The following ZNF562 variants were observed in gnomAD, a reference collection of about 807,000 sequenced individuals.
ZNF562 encodes zinc finger protein 562.
A neutral mutation model predicts 17.5 loss-of-function variants in ZNF562; 13 were observed. The ratio of observed to expected loss-of-function variants is 0.74; its 90% CI spans 0.48 to 1.18. ZNF562 has a LOEUF of 1.18. ZNF562 is among the 50% of genes most tolerant of loss of function. ZNF562 has a pLI of 0.00. For synonymous variants in ZNF562, 163 were observed against 165.4 expected (o/e 0.99, Z 0.11); for missense variants, 481 against 498.5 (o/e 0.96, Z 0.33).
At position 9,645,013 on chromosome 19, in the gene ZNF562, G is replaced by A. The variant is rs1008076807; in HGVS notation, c.*7936C>T. 6.6e-6 allele frequency: 1 copy of A among 152,018 alleles called. No individual in the cohort carries two copies. The highest frequency in any genetic ancestry group is 2.4e-5 in the African/African-American group (1 of 41,362). The allele number at this position is 152,018 out of a possible 1,614,324, so 9.4% of individuals were successfully genotyped here. A position where few individuals can be genotyped will look rare whatever the true frequency, so the allele number is the denominator to read the frequency against. ...CTTGATTTTCTCATTGCAGCTCATAGTGGGAGATGCCCAGTCTCTCTGTGA... is the reference window on the plus strand; with the variant it reads ...CTTGATTTTCTCATTGCAGCTCATAATGGGAGATGCCCAGTCTCTCTGTGA... On this transcript the variant is annotated 3_prime_UTR_variant, in exon 6 of 6. Coordinates refer to ENST00000453372, the MANE Select transcript of ZNF562 (RefSeq NM_001130031.2).
intron 1 of ZNF562, among the ~76,000 whole-genome samples, chr19:9,667,519 C>A (rs1369983037): frequency 6.6e-6 from 1 of 152,072 alleles, no homozygotes; most frequent in African/African-American, 2.4e-5. Context: ...CTGGCCAGAG[C>A]AATTAGGCAA....
At chr19:9,671,755 A>G (rs2044207738) in intron 1 of ZNF562, among the ~76,000 whole-genome samples, 2 of 152,212 alleles carry the variant, frequency 1.3e-5, no homozygotes, top group Non-Finnish European at 2.9e-5. Flanking sequence ...CCAACAGAAG[A>G]TGTAGAGTAC....
At position 9,652,086 on chromosome 19, in the gene ZNF562, T is replaced by C. The variant is rs2074875104; in HGVS notation, c.*863A>G. 3 of 152,278 alleles carry C rather than the reference T, an allele frequency of 2.0e-5. No homozygotes were observed. Among genetic ancestry groups the C allele is most frequent in the South Asian group, 2.1e-4 (1 of 4,820 alleles). The allele number at this position is 152,278 out of a possible 1,614,324, so 9.4% of individuals were successfully genotyped here. Reference sequence around the variant, plus strand: ...CCTCAAAGTGTGGCTGAACAATCATTTGATAAAGAGATCATGAGTGGGATT... The same window carrying C: ...CCTCAAAGTGTGGCTGAACAATCATCTGATAAAGAGATCATGAGTGGGATT... On this transcript the variant is annotated 3_prime_UTR_variant, in exon 6 of 6. Transcript: ENST00000453372.
rs1373221630 is a variant in ZNF562, at chr19:9,651,086, G to A, written c.*1863C>T. On this transcript the variant is annotated 3_prime_UTR_variant, in exon 6 of 6. Transcript: ENST00000453372. ...TCTGAGCTGACTAAGGCAGATATTG[G>A]TACTGAGAAGTGAGGTACTGCAATT... 1.3e-5 allele frequency: 2 copies of A among 151,724 alleles called. No homozygotes were observed. Among genetic ancestry groups the A allele is most frequent in the Non-Finnish European group, 2.9e-5 (2 of 67,980 alleles). The allele number at this position is 151,724 out of a possible 1,614,324, so 9.4% of individuals were successfully genotyped here.
rs60749210 is a variant in ZNF562, at chr19:9,669,716, G to A, written c.-131+5299C>T. Among the ~76,000 whole-genome samples the A allele has an allele frequency of 3.3e-3, 278 of 83,974 alleles. 1 individual carries two copies. Among genetic ancestry groups the A allele is most frequent in the Admixed American group, 4.7e-3 (31 of 6,576 alleles). 55.1% of individuals were successfully genotyped at this position (83,974 alleles called of 152,430 possible). On this transcript the variant is annotated intron_variant, in intron 1 of 5. Transcript: ENST00000453372. ...AAGACCTGTCTGCATGCACGCGCGC[G>A]AGCGCGCGCGCGCGCGCGCACACAC... is the stretch of plus-strand genomic sequence containing the variant.
intron 1 of ZNF562, among the ~76,000 whole-genome samples, chr19:9,667,960 TC>T (rs1316211417): frequency 2.0e-5 from 3 of 152,156 alleles, no homozygotes; most frequent in Admixed American, 1.3e-4. Flanking sequence ...ATAAATGAAT[TC>T]AGTAAATGTT....
At chr19:9,654,810 G>C (rs1458877679) in intron 5 of ZNF562, among the ~76,000 whole-genome samples, 3 of 152,034 alleles carry the variant, frequency 2.0e-5, no homozygotes, top group Non-Finnish European at 2.9e-5. Flanking sequence ...AACTCTACAA[G>C]AAACCCCCGT....
intron 1 of ZNF562, among the ~76,000 whole-genome samples, chr19:9,672,447 A>G (rs1216243103): frequency 6.6e-6 from 1 of 152,180 alleles, no homozygotes; most frequent in African/African-American, 2.4e-5. Context: ...ACATGAGGAG[A>G]AAGAAATAAA....
rs764719964 is a variant in ZNF562, at chr19:9,653,501, AGTT to A, written c.726_728del (p.Thr243del). 6.8e-6 allele frequency: 11 copies of A among 1,614,060 alleles called. No homozygotes were observed. The highest frequency in any genetic ancestry group is 9.3e-6 in the Non-Finnish European group (11 of 1,180,038). ...CTACACACTGCTTTAAGTGTGAGGA[AGTT>A]GTGATGGCTCTCTCACATTCCTGAA... On this transcript the variant is annotated inframe_deletion, in exon 6 of 6. Transcript: ENST00000453372.
chr19:9,645,166 G>A lies in ZNF562; in HGVS notation c.*7783C>T, dbSNP rs2074798198. Reference sequence around the variant, plus strand: ...AGGTTGAAGTGATTCTCCCATCTCAGCCCCCAAGTAGCTGGGACTACAGGT... The same window carrying A: ...AGGTTGAAGTGATTCTCCCATCTCAACCCCCAAGTAGCTGGGACTACAGGT... On this transcript the variant is annotated 3_prime_UTR_variant, in exon 6 of 6. Transcript: ENST00000453372. 6.6e-6 allele frequency: 1 copy of A among 151,684 alleles called. No homozygotes were observed. The highest frequency in any genetic ancestry group is 2.1e-4 in the South Asian group (1 of 4,806). 9.4% of individuals were successfully genotyped at this position (151,684 alleles called of 1,614,324 possible). A position where few individuals can be genotyped will look rare whatever the true frequency, so the allele number is the denominator to read the frequency against.
In ZNF562 at chr19:9,653,130, G is replaced by C. The variant is rs1339007194; in HGVS notation, c.1100C>G (p.Thr367Ser). Residue 367 changes from threonine to serine, a missense_variant, in exon 6 of 6, where the codon ACT becomes AGT. Around this residue, in one of 2 missense-constraint regions of ZNF562, gnomAD observed 78 missense variants for 112.0 expected, o/e 0.70. Transcript: ENST00000453372. ...CTTACACTGATAGGGTTTCTCTCCA[G>C]TGTGATTTCGTATGTGTATAGCAAG... is the stretch of plus-strand genomic sequence containing the variant. ...TGLAIHIRNH[T>S]GEKPYQCKEC... is the part of the protein sequence containing the mutation. 6.2e-7 allele frequency: 1 copy of C among 1,611,428 alleles called. No homozygotes were observed. The highest frequency in any genetic ancestry group is 1.3e-5 in the African/African-American group (1 of 74,848).
intron 3 of ZNF562, among the ~76,000 whole-genome samples, chr19:9,658,715 A>T (rs1304540773): frequency 2.6e-5 from 4 of 151,840 alleles, no homozygotes; most frequent in Admixed American, 2.0e-4. Context: ...TAATTTTTTA[A>T]TTTTTTTTAA....
At chr19:9,656,871 A>ATATATAT (rs2043506692) in intron 4 of ZNF562, among the ~76,000 whole-genome samples, 4 of 142,436 alleles carry the variant, frequency 2.8e-5, no homozygotes, top group African/African-American at 1.0e-4. Flanking sequence ...AAAATACAAA[A>ATATATAT]ATATATATAT....
rs531310455 is a variant in ZNF562 at position 9,662,293 on chromosome 19, G to A, written c.-130-1419C>T. ...CAGAATTTAAAATATTCAAAAGATG[G>A]CCAGGCGCGGTGGCTCACACTTGTA... On this transcript the variant is annotated intron_variant, in intron 1 of 5. Transcript: ENST00000453372. 9.4e-4 allele frequency among the ~76,000 whole-genome samples: 143 copies of A among 152,238 alleles called. 1 individual carries two copies. Among genetic ancestry groups the A allele is most frequent in the Non-Finnish European group, 1.7e-3 (117 of 68,034 alleles).
intron 1 of ZNF562, among the ~76,000 whole-genome samples, chr19:9,661,568 G>T (rs1232115168): frequency 1.3e-5 from 2 of 151,600 alleles, no homozygotes; most frequent in African/African-American, 4.9e-5. Context: ...GGCCAAGGCA[G>T]GTGGATCACG....
chr19:9,674,766 G>C (rs1476330020), intron 1 of ZNF562: 1 of 152,282 alleles, frequency 6.6e-6, no homozygotes, highest in African/African-American at 2.4e-5. Flanking sequence ...AGCTTTTCAA[G>C]AGAGGAGCAC....
Position 9,660,794 on chromosome 19 carries a change from C to A in ZNF562, c.-50G>T. On this transcript the variant is annotated 5_prime_UTR_variant, in exon 2 of 6. Coordinates refer to ENST00000453372, the MANE Select transcript of ZNF562 (RefSeq NM_001130031.2). ...GCCTCAATGCTGTCTTTCTTGATGCCAAGATCGCCTCAGGGCAGCTTATGA... is the reference window on the plus strand; with the variant it reads ...GCCTCAATGCTGTCTTTCTTGATGCAAAGATCGCCTCAGGGCAGCTTATGA... 6.2e-7 allele frequency: 1 copy of A among 1,606,450 alleles called. No individual in the cohort carries two copies. The highest frequency in any genetic ancestry group is 8.5e-7 in the Non-Finnish European group (1 of 1,174,810).
rs564083162 is a variant in ZNF562, at chr19:9,660,809, G to A, written c.-65C>T. On this transcript the variant is annotated 5_prime_UTR_variant, in exon 2 of 6. Coordinates refer to ENST00000453372, the MANE Select transcript of ZNF562 (RefSeq NM_001130031.2). ...TTCTTGATGCCAAGATCGCCTCAGG[G>A]CAGCTTATGAATCTAGGTGGATACA... The A allele has an allele frequency of 5.7e-6, 9 of 1,578,058 alleles. No individual in the cohort carries two copies. Among genetic ancestry groups the A allele is most frequent in the South Asian group, 2.2e-5 (2 of 88,940 alleles).
At chr19:9,671,924 T>G (rs1445455299) in intron 1 of ZNF562, among the ~76,000 whole-genome samples, 2 of 152,222 alleles carry the variant, frequency 1.3e-5, no homozygotes, top group African/African-American at 4.8e-5. Context: ...AATTTGAGAC[T>G]TTCTGGTCCC....
Sources: gnomAD v4.1 joint callset for allele counts (sites outside exome capture counted in the v4.1 genomes callset) on GRCh38, gnomAD v4.1.1 for gene constraint, gnomAD v4.1.1 regional missense constraint, MANE v1.5 for transcripts, NCBI Gene and HGNC (gene_info 2026-07-23, HGNC 2026-07-21) for gene names.